The following TNK2 variants were observed in gnomAD, a reference collection of about 807,000 sequenced individuals.
TNK2 encodes tyrosine kinase non receptor 2.
Under a neutral mutation model 101.8 loss-of-function variants are expected in TNK2, and 83 were observed. The observed-to-expected ratio is 0.82, with a 90% confidence interval of 0.68 to 0.98. TNK2 has a LOEUF of 0.98. Ranked by LOEUF, TNK2 falls within the 50% of genes least tolerant of loss-of-function variation. The pLI is 0.00. For synonymous variants in TNK2, 804 were observed against 633.0 expected (o/e 1.27, Z -4.06); for missense variants, 1,665 against 1,483.2 (o/e 1.12, Z -2.01).
At position 195,868,076 on chromosome 3, in the gene TNK2, G is replaced by A. The variant is rs1265493204; in HGVS notation, c.2222C>T (p.Ala741Val). Residue 741 changes from alanine to valine, a missense_variant, in exon 13 of 16, where the codon GCC becomes GTC. By Grantham distance (64) the Ala-to-Val change is moderately conservative. Around this residue, in one of 3 missense-constraint regions of TNK2, gnomAD observed 1,136 missense variants for 894.9 expected, o/e 1.27. Transcript: ENST00000672887. ...RQLQAPAGSP[A>V]PSPSPGGDDK... ...GTCACCCCCCGGGCTGGGAGAGGGG[G>A]CCGGGGAGCCGGCCGGAGCCTGCAG... is the stretch of plus-strand genomic sequence containing the variant. 1.9e-6 allele frequency: 3 copies of A among 1,608,226 alleles called. No homozygotes were observed. Among genetic ancestry groups the A allele is most frequent in the East Asian group, 2.2e-5 (1 of 44,726 alleles).
At chr3:195,881,999 T>C in intron 6 of TNK2, 52 bp downstream of exon 6, 1 of 1,566,582 alleles carries the variant, frequency 6.4e-7, no homozygotes, top group Admixed American at 1.8e-5. Context: ...CCCAGAAGCT[T>C]TGAGGCCTGG....
At chr3:195,867,287 GCAC>G (rs1560467226) in intron 13 of TNK2, 23 bp from the exon 14 acceptor site, 1 of 1,612,204 alleles carries the variant, frequency 6.2e-7, no homozygotes, top group Non-Finnish European at 8.5e-7. Context: ...ACCCCTGTCA[GCAC>G]CACTAGGGCC....
intron 1 of TNK2, chr3:195,895,385 C>T: frequency 3.9e-6 from 6 of 1,546,440 alleles, no homozygotes; most frequent in Non-Finnish European, 5.2e-6. Flanking sequence ...AGCGTCACTG[C>T]CCTGCGTCCT....
At chr3:195,887,997 T>G in intron 2 of TNK2, among the ~76,000 whole-genome samples, 1 of 150,934 alleles carries the variant, frequency 6.6e-6, no homozygotes, top group African/African-American at 2.4e-5. Flanking sequence ...TGTGCATGCG[T>G]GTGTGCGTGT....
chr3:195,868,776 G>C (rs1474010465), intron 12 of TNK2, 67 bp from the exon 13 acceptor site: 14 of 1,462,918 alleles, frequency 9.6e-6, no homozygotes, highest in Non-Finnish European at 1.3e-5. Context: ...AGGGGAGGTG[G>C]CACGTGGGAG....
At chr3:195,898,347 C>T (rs1378736521) in intron 1 of TNK2, among the ~76,000 whole-genome samples, 1 of 152,182 alleles carries the variant, frequency 6.6e-6, no homozygotes. Flanking sequence ...TTTGAGCAAA[C>T]AACCTCTAAG....
In TNK2 at chr3:195,867,764, G is replaced by C; in HGVS notation, c.2534C>G (p.Pro845Arg). 6.3e-7 allele frequency: 1 copy of C among 1,588,720 alleles called. No individual in the cohort carries two copies. Among genetic ancestry groups the C allele is most frequent in the Non-Finnish European group, 8.6e-7 (1 of 1,169,128 alleles). Residue 845 changes from proline (P) to arginine (R), a missense_variant, in exon 13 of 16, where the codon CCC (proline) becomes CGC (arginine). Transcript: ENST00000672887. ...CGGGCCAGGGGCCTGGATCACCTGG[G>C]GGGTGGCGTACTTGGGGTCTGAGGC... ...SFASDPKYAT[P>R]QVIQAPGPRA...
At chr3:195,896,360 G>A (rs1046570180) in intron 1 of TNK2, 3 of 317,528 alleles carry the variant, frequency 9.4e-6, no homozygotes, top group African/African-American at 4.6e-5. Flanking sequence ...CGTCAAGGCT[G>A]AGCCAGACCC....
intron 1 of TNK2, among the ~76,000 whole-genome samples, chr3:195,890,452 T>TG: frequency 6.9e-6 from 1 of 144,140 alleles, no homozygotes; most frequent in African/African-American, 2.6e-5. Context: ...TATAGTTTTT[T>TG]GGTTTTTTTT....
At chr3:195,904,262 T>TAAA (rs35186478) in intron 1 of TNK2, among the ~76,000 whole-genome samples, 4 of 125,326 alleles carry the variant, frequency 3.2e-5, no homozygotes, top group Non-Finnish European at 3.4e-5. Flanking sequence ...ACCTTGTCTT[T>TAAA]AAAAAAAAAA....
At chr3:195,883,360 C>G in intron 4 of TNK2, 51 bp from the exon 5 acceptor site, 3 of 1,602,984 alleles carry the variant, frequency 1.9e-6, no homozygotes, top group Non-Finnish European at 2.6e-6. Context: ...GTCCCAGACA[C>G]GCGGAGCCAA....
At chr3:195,866,435 A>G (rs1355413844) in intron 15 of TNK2, among the ~76,000 whole-genome samples, 2 of 152,214 alleles carry the variant, frequency 1.3e-5, no homozygotes, top group African/African-American at 4.8e-5. Flanking sequence ...TCCTGACCTC[A>G]GGTGATCCTC....
chr3:195,870,309 G>A, intron 10 of TNK2, 104 bp from the exon 11 acceptor site: 1 of 1,549,606 alleles, frequency 6.5e-7, no homozygotes, highest in Non-Finnish European at 8.7e-7. Flanking sequence ...GTGTAGTCTT[G>A]GGTCTGAAGC....
At chr3:195,869,385 A>ACCC in intron 12 of TNK2, 112 bp downstream of exon 12, 2 of 892,992 alleles carry the variant, frequency 2.2e-6, no homozygotes, top group Non-Finnish European at 1.8e-6. Flanking sequence ...CACAGCACAC[A>ACCC]CCCACCCACC....
In TNK2 at chr3:195,895,232, G is replaced by C; in HGVS notation, c.-18-6626C>G. 6.5e-7 allele frequency: 1 copy of C among 1,528,786 alleles called. No individual in the cohort carries two copies. Among genetic ancestry groups the C allele is most frequent in the Non-Finnish European group, 8.8e-7 (1 of 1,139,784 alleles). 94.7% of individuals were successfully genotyped at this position (1,528,786 alleles called of 1,614,324 possible). A position where few individuals can be genotyped will look rare whatever the true frequency, so the allele number is the denominator to read the frequency against. ...GGCCCAGGTATCTGGCTATCCCCTA[G>C]CCTTCCCCATTACCTGCGGTCCCTC... On this transcript the variant is annotated intron_variant, in intron 1 of 15. Transcript: ENST00000672887.
In TNK2 at chr3:195,888,664, C is replaced by T; in HGVS notation, c.-18-58G>A. 6.7e-7 allele frequency: 1 copy of T among 1,501,876 alleles called. No homozygotes were observed. Among genetic ancestry groups the T allele is most frequent in the East Asian group, 2.4e-5 (1 of 42,222 alleles). The allele number at this position is 1,501,876 out of a possible 1,614,324, so 93.0% of individuals were successfully genotyped here. A position where few individuals can be genotyped will look rare whatever the true frequency, so the allele number is the denominator to read the frequency against. ...TTGTGGGGGGACAACAGGGGCCTGC[C>T]CGAGTGACCTGGGCTCACCTTCATC... is the stretch of plus-strand genomic sequence containing the variant. On this transcript the variant is annotated intron_variant, in intron 1 of 15. Coordinates refer to ENST00000672887, the MANE Select transcript of TNK2 (RefSeq NM_001382273.1). The surrounding 1 kb of genome is among the most constrained non-coding windows in gnomAD (Gnocchi z 5.3).
At chr3:195,871,215 T>C (rs1745086685) in intron 10 of TNK2, among the ~76,000 whole-genome samples, 1 of 151,814 alleles carries the variant, frequency 6.6e-6, no homozygotes, top group African/African-American at 2.4e-5. Context: ...GGGGGTGGCA[T>C]CCCGGAAGTG....
rs542237965 is a variant in TNK2 at position 195,883,549 on chromosome 3, C to T, written c.457-240G>A. The T allele has an allele frequency of 2.6e-3, 1,329 of 511,148 alleles. 9 individuals carry two copies. The highest frequency in any genetic ancestry group is 3.2e-3 in the Middle Eastern group (6 of 1,860). The allele number at this position is 511,148 out of a possible 1,614,324, so 31.7% of individuals were successfully genotyped here. ...ACACCTCCCCTTCCTGGGGGAATGC[C>T]GGGCTTAAATACCAACCAAAAAGTA... On this transcript the variant is annotated intron_variant, in intron 4 of 15. Coordinates refer to ENST00000672887, the MANE Select transcript of TNK2 (RefSeq NM_001382273.1).
intron 5 of TNK2, 141 bp downstream of exon 5, chr3:195,883,016 T>C: frequency 2.1e-6 from 2 of 975,574 alleles, no homozygotes; most frequent in Non-Finnish European, 3.0e-6. Flanking sequence ...TGGGCCCCTG[T>C]GGACCCCTTT....
Sources: allele counts gnomAD v4.1 joint callset (sites outside exome capture counted in the v4.1 genomes callset), GRCh38; gene constraint gnomAD v4.1.1; regional missense constraint gnomAD v4.1.1; non-coding constraint Gnocchi (gnomAD v3.1); transcripts MANE v1.5; gene names NCBI Gene and HGNC (gene_info 2026-07-23, HGNC 2026-07-21).